The following DNAJC3 variants were observed in gnomAD, a reference collection of about 807,000 sequenced individuals.
The protein encoded by DNAJC3 is DnaJ heat shock protein family (Hsp40) member C3.
Under a neutral mutation model 68.6 loss-of-function variants are expected in DNAJC3, and 38 were observed. That is an observed-to-expected ratio of 0.55 (90% confidence interval 0.43 to 0.73). The LOEUF is 0.73. Among genes scored for constraint, DNAJC3 ranks in the 30% least tolerant of loss-of-function variants. The pLI is 0.00. For missense variants in DNAJC3, 526 were observed against 591.9 expected (o/e 0.89, Z 1.16); for synonymous variants, 203 against 204.0 (o/e 1.00, Z 0.04).
chr13:95,769,352 G>A lies in DNAJC3; in HGVS notation c.1075+5399G>A, dbSNP rs374904585. Among the ~76,000 whole-genome samples, 6 of 152,170 alleles carry A rather than the reference G, an allele frequency of 3.9e-5. No individual in the cohort carries two copies. In the East Asian group the frequency reaches 7.7e-4, roughly 20 times the overall value. ...TTTTTTTCAAGGTTGTTAACCAGGG[G>A]TTCCTGGCTTCTGTTTATGTGGAGG... On this transcript the variant is annotated intron_variant, in intron 9 of 11. Transcript: ENST00000602402.
intron 4 of DNAJC3, among the ~76,000 whole-genome samples, chr13:95,756,897 A>G (rs1262031107): frequency 1.3e-5 from 2 of 152,142 alleles, no homozygotes; most frequent in African/African-American, 4.8e-5. Context: ...TGTAAGTAAA[A>G]ACAAGGGATC....
chr13:95,763,798 C>A (rs753505526), intron 8 of DNAJC3, 35 bp from the exon 9 acceptor site: 1 of 1,613,864 alleles, frequency 6.2e-7, no homozygotes, highest in Non-Finnish European at 8.5e-7. Context: ...ATGTGGAATA[C>A]CAACCATAAA....
chr13:95,681,907 T>C (rs911970091), intron 1 of DNAJC3, among the ~76,000 whole-genome samples: 2 of 152,208 alleles, frequency 1.3e-5, no homozygotes, highest in African/African-American at 4.8e-5. Flanking sequence ...CACTAGCTTA[T>C]CTACATTTGT....
At chr13:95,703,825 C>G (rs1269237561) in intron 1 of DNAJC3, among the ~76,000 whole-genome samples, 3 of 150,858 alleles carry the variant, frequency 2.0e-5, no homozygotes, top group Non-Finnish European at 1.5e-5. Context: ...TTCAGTTACT[C>G]TGGCTTTTTT....
intron 2 of DNAJC3, among the ~76,000 whole-genome samples, chr13:95,710,607 A>AT (rs1197059659): frequency 3.3e-5 from 5 of 151,864 alleles, no homozygotes; most frequent in Admixed American, 3.3e-4. Context: ...TTACTTATAT[A>AT]TTTTTACCTT....
intron 1 of DNAJC3, among the ~76,000 whole-genome samples, chr13:95,691,023 C>G (rs1880234192): frequency 7.0e-6 from 1 of 142,954 alleles, no homozygotes; most frequent in African/African-American, 2.6e-5. Context: ...GGGGCTGACC[C>G]CCCCACCTCC....
At chr13:95,747,803 G>A (rs61975193) in intron 4 of DNAJC3, among the ~76,000 whole-genome samples, 13,631 of 152,090 alleles carry the variant, frequency 0.09, 895 homozygotes, top group African/African-American at 0.19. Context: ...TTAGGAGGTC[G>A]GCTCTAGAGA....
intron 1 of DNAJC3, 33 bp from the exon 2 acceptor site, chr13:95,709,194 A>C: frequency 1.0e-5 from 14 of 1,393,338 alleles, no homozygotes; most frequent in Non-Finnish European, 1.4e-5. Flanking sequence ...AGTTCGTGGA[A>C]AGTTAACTGA....
chr13:95,760,778 A>G lies in DNAJC3; in HGVS notation c.828A>G (p.Glu276=), dbSNP rs1054914503. Reference sequence around the variant, plus strand: ...TTAATAAGCTGATTGAGTCAGCTGAAGAGCTCATCAGAGATGGCAGGTGAG... The same window carrying G: ...TTAATAAGCTGATTGAGTCAGCTGAGGAGCTCATCAGAGATGGCAGGTGAG... ...KKLNKLIESA[E]ELIRDGRYTD... Residue 276 remains glutamate, a synonymous_variant, in exon 7 of 12, where the codon GAA becomes GAG. Coordinates refer to ENST00000602402, the MANE Select transcript of DNAJC3 (RefSeq NM_006260.5). 2.7e-5 allele frequency: 43 copies of G among 1,611,958 alleles called. No homozygotes were observed. The highest frequency in any genetic ancestry group is 3.6e-5 in the Non-Finnish European group (43 of 1,179,006).
At chr13:95,765,569 T>TTTTA (rs1477240321) in intron 9 of DNAJC3, among the ~76,000 whole-genome samples, 1 of 144,762 alleles carries the variant, frequency 6.9e-6, no homozygotes, top group African/African-American at 2.6e-5. Context: ...ATTGATCTGT[T>TTTTA]TTTTTTTTTT....
chr13:95,682,087 A>C (rs2139596057), intron 1 of DNAJC3, among the ~76,000 whole-genome samples: 1 of 152,340 alleles, frequency 6.6e-6, no homozygotes, highest in Middle Eastern at 3.4e-3. Flanking sequence ...AGACTGAGTA[A>C]TTTATAAAAA....
intron 4 of DNAJC3, among the ~76,000 whole-genome samples, chr13:95,725,453 G>A (rs1881476259): frequency 6.6e-6 from 1 of 152,124 alleles, no homozygotes; most frequent in East Asian, 1.9e-4. Flanking sequence ...AAAGAATCCT[G>A]TTAACAGTTG....
chr13:95,767,433 C>T (rs1238205712), intron 9 of DNAJC3, among the ~76,000 whole-genome samples: 2 of 152,122 alleles, frequency 1.3e-5, no homozygotes, highest in Admixed American at 6.5e-5. Context: ...CACTGATGAA[C>T]GTTTGTGTTG....
intron 2 of DNAJC3, among the ~76,000 whole-genome samples, chr13:95,718,432 C>T (rs367597357): frequency 3.3e-5 from 5 of 152,206 alleles, no homozygotes; most frequent in African/African-American, 9.7e-5. Flanking sequence ...GACGGAGTCT[C>T]GCAGTGTCAC....
chr13:95,699,491 A>G (rs1179342343), intron 1 of DNAJC3, among the ~76,000 whole-genome samples: 2 of 152,178 alleles, frequency 1.3e-5, no homozygotes, highest in Non-Finnish European at 2.9e-5. Flanking sequence ...GATTGTAGCT[A>G]AAATGTTATG....
intron 9 of DNAJC3, among the ~76,000 whole-genome samples, chr13:95,784,937 C>A (rs1333880048): frequency 1.3e-5 from 2 of 151,748 alleles, no homozygotes; most frequent in Non-Finnish European, 2.9e-5. Flanking sequence ...GTGACAGAGA[C>A]CCTGTCTCTT....
chr13:95,709,466 G>C (rs1251808321), intron 2 of DNAJC3, 129 bp downstream of exon 2: 1 of 666,716 alleles, frequency 1.5e-6, no homozygotes, highest in South Asian at 2.3e-5. Flanking sequence ...TATATTTGTG[G>C]GATTCTGAGC....
At chr13:95,773,256 C>T (rs1461462397) in intron 9 of DNAJC3, among the ~76,000 whole-genome samples, 2 of 151,226 alleles carry the variant, frequency 1.3e-5, no homozygotes, top group Non-Finnish European at 1.5e-5. Flanking sequence ...ACTGCAGCCT[C>T]GACCTCCCAG....
chr13:95,714,012 G>C (rs537693700), intron 2 of DNAJC3, among the ~76,000 whole-genome samples: 7 of 152,204 alleles, frequency 4.6e-5, no homozygotes, highest in African/African-American at 1.4e-4. Flanking sequence ...GTAGCCTGCT[G>C]TATAAATATA....
Sources: gnomAD v4.1 joint callset for allele counts (sites outside exome capture counted in the v4.1 genomes callset) on GRCh38, gnomAD v4.1.1 for gene constraint, MANE v1.5 for transcripts, NCBI Gene and HGNC (gene_info 2026-07-23, HGNC 2026-07-21) for gene names.